Variants in ANKRD27 observed in about 807,000 individuals in gnomAD.
The protein encoded by ANKRD27 is ankyrin repeat domain-containing protein 27.
A neutral mutation model predicts 129.7 loss-of-function variants in ANKRD27; 112 were observed. The observed-to-expected ratio is 0.86, with a 90% CI of 0.74 to 1.01. The LOEUF is 1.01. Ranked by LOEUF, ANKRD27 falls within the 50% of genes least tolerant of loss-of-function variation. ANKRD27 has a pLI of 0.00. For synonymous variants in ANKRD27, 516 were observed against 511.2 expected (o/e 1.01, Z -0.13); for missense variants, 1,258 against 1,300.5 (o/e 0.97, Z 0.50).
At chr19:32,652,838 G>A (rs895555168) in intron 2 of ANKRD27, among the ~76,000 whole-genome samples, 3 of 151,974 alleles carry the variant, frequency 2.0e-5, no homozygotes, top group Admixed American at 2.0e-4. Context: ...TAAGACAGGA[G>A]GATCACTTGA....
chr19:32,609,326 A>G (rs1971799235), intron 22 of ANKRD27, among the ~76,000 whole-genome samples: 1 of 149,902 alleles, frequency 6.7e-6, no homozygotes, highest in East Asian at 1.9e-4. Flanking sequence ...TGTAACTCCT[A>G]GGTGTTTACC....
intron 18 of ANKRD27, among the ~76,000 whole-genome samples, chr19:32,620,568 C>CAAA (rs59205429): frequency 0.16 from 22,443 of 142,632 alleles, 1,948 homozygotes; most frequent in African/African-American, 0.23. Context: ...GACTCCGTCT[C>CAAA]AAAAAAAAAA....
intron 24 of ANKRD27, among the ~76,000 whole-genome samples, chr19:32,604,684 G>GAT (rs1568395372): frequency 6.6e-6 from 1 of 152,028 alleles, no homozygotes; most frequent in Non-Finnish European, 1.5e-5. Context: ...AAATCACTAT[G>GAT]GTATATCCAT....
intron 18 of ANKRD27, among the ~76,000 whole-genome samples, chr19:32,622,051 C>T (rs10420153): frequency 0.65 from 98,933 of 151,954 alleles, 32,425 homozygotes; most frequent in African/African-American, 0.71. Flanking sequence ...TCAATAAAGA[C>T]TCTAGGCATT....
intron 20 of ANKRD27, among the ~76,000 whole-genome samples, chr19:32,618,793 C>A (rs1327085202): frequency 6.6e-6 from 1 of 152,146 alleles, no homozygotes; most frequent in Admixed American, 6.6e-5. Context: ...CGCCTGTAAT[C>A]CCAGTTACTT....
rs11433754 is a variant in ANKRD27, at chr19:32,642,368, G to GAA, written c.783-225_783-224dup. On this transcript the variant is annotated intron_variant, in intron 9 of 28. Transcript: ENST00000306065. The stretch of plus-strand genomic sequence containing the variant: ...GTGATAGAGTTGTACAAGAAAAGCT[G>GAA]AAAAAAAAAAATCCTATTCCTAGAG... Among the ~76,000 whole-genome samples the GAA allele has an allele frequency of 1.9e-4, 28 of 148,128 alleles. No homozygotes were observed. The South Asian group carries it at 2.5e-3, about 13-fold the overall frequency.
chr19:32,635,299 A>G (rs572153733), intron 12 of ANKRD27, among the ~76,000 whole-genome samples: 2 of 152,294 alleles, frequency 1.3e-5, no homozygotes, highest in South Asian at 4.1e-4. Context: ...ACCAGAGGGC[A>G]GGGCAAAAAC....
At chr19:32,668,592 C>T (rs1216233505) in intron 1 of ANKRD27, among the ~76,000 whole-genome samples, 2 of 151,974 alleles carry the variant, frequency 1.3e-5, no homozygotes, top group Non-Finnish European at 2.9e-5. Context: ...CCTGCCTCAG[C>T]CTCCCAAGTA....
rs749882504 is a variant in ANKRD27 at position 32,625,985 on chromosome 19, G to A, written c.1537-19C>T. The A allele has an allele frequency of 4.4e-6, 7 of 1,588,548 alleles. No homozygotes were observed. Among genetic ancestry groups the A allele is most frequent in the South Asian group, 3.5e-5 (3 of 86,598 alleles). On this transcript the variant is annotated intron_variant, in intron 16 of 28. Transcript: ENST00000306065. ...GCAGCAGCTGCGGAGATAAAGGAAAGCGATGAGCAGGGCACAGCCGGCTCC... is the reference window on the plus strand; with the variant it reads ...GCAGCAGCTGCGGAGATAAAGGAAAACGATGAGCAGGGCACAGCCGGCTCC...
chr19:32,597,987 T>C lies in ANKRD27; in HGVS notation c.*158A>G, dbSNP rs548458858. 456 of 652,070 alleles carry C rather than the reference T, an allele frequency of 7.0e-4. 1 individual carries two copies. Among genetic ancestry groups the C allele is most frequent in the Non-Finnish European group, 5.9e-4 (223 of 378,026 alleles). 40.4% of individuals were successfully genotyped at this position (652,070 alleles called of 1,614,324 possible). ...GGTGGTGGTTAACTTTTTTGTTGCA[T>C]TCTTTCCTGCCACAGAAAAGCTTTC... On this transcript the variant is annotated 3_prime_UTR_variant, in exon 29 of 29. Transcript: ENST00000306065.
intron 13 of ANKRD27, among the ~76,000 whole-genome samples, chr19:32,629,997 G>A (rs1966964888): frequency 6.6e-6 from 1 of 151,816 alleles, no homozygotes; most frequent in Non-Finnish European, 1.5e-5. Context: ...CAACCTCTCG[G>A]GCTCAAGTGA....
At chr19:32,657,294 T>C (rs1967557194) in intron 2 of ANKRD27, among the ~76,000 whole-genome samples, 1 of 151,602 alleles carries the variant, frequency 6.6e-6, no homozygotes, top group African/African-American at 2.4e-5. Context: ...AAACCCTGTC[T>C]CCACTAAAAA....
At chr19:32,656,860 G>C (rs1377222050) in intron 2 of ANKRD27, among the ~76,000 whole-genome samples, 1 of 151,800 alleles carries the variant, frequency 6.6e-6, no homozygotes, top group Non-Finnish European at 1.5e-5. Context: ...AAAGTATCTT[G>C]TATACAGCAG....
intron 21 of ANKRD27, among the ~76,000 whole-genome samples, chr19:32,616,925 C>T (rs1971929531): frequency 6.6e-6 from 1 of 152,136 alleles, no homozygotes; most frequent in Non-Finnish European, 1.5e-5. Context: ...TCTCTTAAAA[C>T]CAAGCTGCCC....
intron 28 of ANKRD27, 128 bp from the exon 29 acceptor site, chr19:32,598,506 CA>C: frequency 1.3e-6 from 1 of 768,976 alleles, no homozygotes; most frequent in East Asian, 2.6e-5. Context: ...GGCATAATTT[CA>C]ATTCTCACAT....
chr19:32,672,410 G>C (rs927394466), intron 1 of ANKRD27, among the ~76,000 whole-genome samples: 3 of 152,138 alleles, frequency 2.0e-5, no homozygotes, highest in Non-Finnish European at 4.4e-5. Flanking sequence ...CCTGCGCCTG[G>C]TTCCCTGCAG....
intron 26 of ANKRD27, among the ~76,000 whole-genome samples, chr19:32,601,460 G>A (rs942363203): frequency 1.2e-4 from 18 of 151,606 alleles, no homozygotes; most frequent in African/African-American, 3.9e-4. Context: ...TTAGCTGGGC[G>A]TGGTGGCTGG....
rs1971601529 is a variant in ANKRD27 at position 32,598,347 on chromosome 19, TTCTG to T, written c.2947_2950del (p.Gln983IlefsTer25). The T allele has an allele frequency of 1.2e-6, 2 of 1,614,206 alleles. No homozygotes were observed. The highest frequency in any genetic ancestry group is 2.2e-5 in the East Asian group (1 of 44,884). On this transcript the variant is annotated frameshift_variant, in exon 29 of 29. Transcript: ENST00000306065. LOFTEE classifies it low-confidence loss of function (END_TRUNC). Reference sequence around the variant, plus strand: ...AGATCCACTCTGAGCTGGCAGGTTATTCTGTCTCAGTGTGACACTTTGCCTCCCT... The same window carrying T: ...AGATCCACTCTGAGCTGGCAGGTTATTCTCAGTGTGACACTTTGCCTCCCT...
chr19:32,603,473 C>T (rs1971682707), intron 25 of ANKRD27, among the ~76,000 whole-genome samples: 1 of 152,196 alleles, frequency 6.6e-6, no homozygotes, highest in Admixed American at 6.5e-5. Context: ...CCGCCGCTCT[C>T]CACGCAAGCA....
Sources: gnomAD v4.1 joint callset for allele counts (sites outside exome capture counted in the v4.1 genomes callset) on GRCh38, gnomAD v4.1.1 for gene constraint, MANE v1.5 for transcripts, NCBI Gene and HGNC (gene_info 2026-07-23, HGNC 2026-07-21) for gene names.